SND1: variants seen among roughly 807,000 people sequenced by gnomAD.
The protein encoded by SND1 is staphylococcal nuclease and tudor domain containing 1.
SND1 carries 38 observed loss-of-function variants against 121.7 expected under a neutral mutation model. The ratio of observed to expected loss-of-function variants is 0.31; its 90% CI spans 0.24 to 0.41. SND1 has a LOEUF of 0.41. Ranked by LOEUF, SND1 falls within the 10% of genes least tolerant of loss-of-function variation. The pLI, the probability that SND1 is intolerant of heterozygous loss-of-function variation, is 1.00. For missense variants in SND1, 868 were observed against 1,184.6 expected (o/e 0.73, Z 3.92); for synonymous variants, 401 against 447.4 (o/e 0.90, Z 1.31).
At chr7:127,986,129 G>A (rs1349012939) in intron 15 of SND1, among the ~76,000 whole-genome samples, 1 of 152,212 alleles carries the variant, frequency 6.6e-6, no homozygotes, top group African/African-American at 2.4e-5. Flanking sequence ...GAAAAAGAGT[G>A]TAAAATACTC....
chr7:127,822,811 T>TA (rs1798574222), intron 11 of SND1, among the ~76,000 whole-genome samples: 3 of 152,244 alleles, frequency 2.0e-5, no homozygotes, highest in African/African-American at 7.2e-5. Flanking sequence ...TACTTTATCA[T>TA]TTAATATCAT....
intron 11 of SND1, among the ~76,000 whole-genome samples, chr7:127,817,174 A>G (rs325442): frequency 0.67 from 102,251 of 152,066 alleles, 35,301 homozygotes; most frequent in East Asian, 0.92. Context: ...TCTGTTGTAT[A>G]AGAAGTTGAA....
intron 16 of SND1, among the ~76,000 whole-genome samples, chr7:128,064,822 G>A (rs1482017831): frequency 6.6e-6 from 1 of 152,088 alleles, no homozygotes; most frequent in African/African-American, 2.4e-5. Flanking sequence ...GGAAACACAG[G>A]CCTAAAAAAA....
chr7:127,784,498 A>G (rs978770563), intron 10 of SND1, among the ~76,000 whole-genome samples: 4 of 152,202 alleles, frequency 2.6e-5, no homozygotes, highest in African/African-American at 4.8e-5. Flanking sequence ...TTCTGAAATC[A>G]TTATTTCTTA....
intron 1 of SND1, among the ~76,000 whole-genome samples, chr7:127,662,039 C>T (rs967844709): frequency 6.6e-6 from 1 of 152,034 alleles, no homozygotes; most frequent in Non-Finnish European, 1.5e-5. Flanking sequence ...TCTCTTGAAC[C>T]TGGGAGGTGG....
chr7:127,683,842 A>G (rs1320789460), intron 1 of SND1, among the ~76,000 whole-genome samples: 1 of 152,174 alleles, frequency 6.6e-6, no homozygotes, highest in Non-Finnish European at 1.5e-5. Flanking sequence ...AGTAAAAATC[A>G]TCTCCGTAAC....
intron 10 of SND1, among the ~76,000 whole-genome samples, chr7:127,724,980 C>G (rs772101458): frequency 6.6e-6 from 1 of 151,994 alleles, no homozygotes; most frequent in Non-Finnish European, 1.5e-5. Flanking sequence ...CAACCCCTGC[C>G]CCTTTCCTTG....
At chr7:128,070,061 C>G (rs995288558) in intron 16 of SND1, among the ~76,000 whole-genome samples, 3 of 152,218 alleles carry the variant, frequency 2.0e-5, no homozygotes, top group Non-Finnish European at 4.4e-5. Context: ...GAGATGCTGG[C>G]AGACCAGCAG....
At chr7:127,949,525 A>G (rs929051992) in intron 15 of SND1, among the ~76,000 whole-genome samples, 1 of 152,260 alleles carries the variant, frequency 6.6e-6, no homozygotes, top group Non-Finnish European at 1.5e-5. Context: ...AAGAACAAAA[A>G]AACTGTGTGG....
In SND1 at chr7:128,001,057, G is replaced by A. The variant is rs1376899805; in HGVS notation, c.1779+10001G>A. Among the ~76,000 whole-genome samples, 4 of 152,152 alleles carry A rather than the reference G, an allele frequency of 2.6e-5. No individual in the cohort carries two copies. The East Asian group carries it at 7.7e-4, about 29-fold the overall frequency. ...AGAGAACCTCCGTGTTCCAAACCTG[G>A]CTTTATTGATGAACTTTCCACTTGC... is the stretch of plus-strand genomic sequence containing the variant. On this transcript the variant is annotated intron_variant, in intron 16 of 23. Transcript: ENST00000354725.
intron 12 of SND1, among the ~76,000 whole-genome samples, chr7:127,875,431 G>T (rs1341901966): frequency 6.6e-6 from 1 of 152,140 alleles, no homozygotes; most frequent in East Asian, 1.9e-4. Flanking sequence ...TTGGTTGGTG[G>T]CTAAGGAGTA....
At chr7:127,714,695 C>A (rs1796356680) in intron 9 of SND1, among the ~76,000 whole-genome samples, 1 of 152,300 alleles carries the variant, frequency 6.6e-6, no homozygotes, top group African/African-American at 2.4e-5. Context: ...CTACTTTTTG[C>A]TTCTGTGATT....
At chr7:127,862,759 G>T (rs764262878) in intron 12 of SND1, among the ~76,000 whole-genome samples, 1 of 150,576 alleles carries the variant, frequency 6.6e-6, no homozygotes, top group Non-Finnish European at 1.5e-5. Context: ...GCGGATGGAT[G>T]GGTGCTCTCC....
intron 16 of SND1, among the ~76,000 whole-genome samples, chr7:128,054,665 C>T (rs1793105728): frequency 6.6e-6 from 1 of 152,196 alleles, no homozygotes; most frequent in Non-Finnish European, 1.5e-5. Flanking sequence ...CTCCCTGGCT[C>T]CTCTATCCCC....
At chr7:128,075,015 C>T (rs889538099) in intron 17 of SND1, among the ~76,000 whole-genome samples, 6 of 152,206 alleles carry the variant, frequency 3.9e-5, no homozygotes, top group African/African-American at 1.2e-4. Flanking sequence ...ATGCCCGGGG[C>T]GCCCCTCCCT....
chr7:127,900,852 G>A (rs971625399), intron 13 of SND1, among the ~76,000 whole-genome samples: 1 of 151,950 alleles, frequency 6.6e-6, no homozygotes, highest in Admixed American at 6.5e-5. Flanking sequence ...GCATCTTGGA[G>A]AAGAAAGCTG....
chr7:127,800,225 G>T (rs1165678590), intron 10 of SND1, among the ~76,000 whole-genome samples: 1 of 152,194 alleles, frequency 6.6e-6, no homozygotes, highest in Non-Finnish European at 1.5e-5. Context: ...ATTATTTACT[G>T]TTTGAAATCT....
In SND1 at chr7:128,032,324, C is replaced by A. The variant is rs3735635; in HGVS notation, c.1779+41268C>A. Among the ~76,000 whole-genome samples the A allele has an allele frequency of 4.6e-5, 7 of 151,454 alleles. No homozygotes were observed. In the East Asian group the frequency reaches 9.8e-4, roughly 21 times the overall value. On this transcript the variant is annotated intron_variant, in intron 16 of 23. Transcript: ENST00000354725. ...TCCTCTCTCCCCCTCCCCCCTCCCC[C>A]CTCCCCGGGCCGCTTCCTCCCCGCC...
At chr7:127,927,818 C>T (rs1459151841) in intron 14 of SND1, among the ~76,000 whole-genome samples, 2 of 152,124 alleles carry the variant, frequency 1.3e-5, no homozygotes, top group African/African-American at 4.8e-5. Context: ...ATCTAATGTG[C>T]ATTAATTTAA....
Sources: gnomAD v4.1 joint callset for allele counts (sites outside exome capture counted in the v4.1 genomes callset) on GRCh38, gnomAD v4.1.1 for gene constraint, MANE v1.5 for transcripts, NCBI Gene and HGNC (gene_info 2026-07-23, HGNC 2026-07-21) for gene names.